OLFML2A: variants seen among roughly 807,000 people sequenced by gnomAD.
OLFML2A encodes the protein olfactomedin-like protein 2A.
A neutral mutation model predicts 60.9 loss-of-function variants in OLFML2A; 47 were observed. That is an observed-to-expected ratio of 0.77 (90% CI 0.61 to 0.98). The LOEUF (loss-of-function observed/expected upper bound fraction) is 0.98. OLFML2A is among the 50% of genes least tolerant of loss of function. The probability of loss-of-function intolerance (pLI) is 0.00; values close to 1 mark genes in which losing one functional copy is unlikely to be tolerated. For synonymous variants in OLFML2A, 372 were observed against 375.0 expected, an observed-to-expected ratio of 0.99 and a Z score of 0.09; for missense variants, 922 against 879.8, an observed-to-expected ratio of 1.05 and a Z score of -0.61.
intron 3 of OLFML2A, 144 bp from the exon 4 acceptor site, chr9:124,799,141 C>T: frequency 3.5e-6 from 2 of 579,170 alleles, no homozygotes; most frequent in Non-Finnish European, 6.2e-6. Flanking sequence ...CCTATTTTTC[C>T]TGCTCATGCT....
Position 124,795,086 on chromosome 9 carries a change from C to G in OLFML2A, c.417C>G (p.His139Gln), listed in dbSNP as rs202194837. ...TLYSMDLMKVHAYVHKVASQM... is the reference protein window; with the variant it reads ...TLYSMDLMKVQAYVHKVASQM... ...ACAGCATGGACTTGATGAAGGTGCA[C>G]GCCTACGTCCACAAGGTGGCCTCCC... is the stretch of plus-strand genomic sequence containing the variant. Residue 139 changes from histidine (H) to glutamine (Q), a missense_variant, in exon 3 of 8, where the codon CAC becomes CAG. His to Gln is a conservative substitution (Grantham distance 24). Transcript: ENST00000373580. 1.9e-6 allele frequency: 3 copies of G among 1,608,376 alleles called. No homozygotes were observed. Among genetic ancestry groups the G allele is most frequent in the Admixed American group, 3.4e-5 (2 of 59,424 alleles).
chr9:124,803,997 C>T, intron 5 of OLFML2A, 97 bp from the exon 6 acceptor site: 1 of 1,421,990 alleles, frequency 7.0e-7, no homozygotes, highest in Non-Finnish European at 9.6e-7. Context: ...CCTCCACTCC[C>T]TGAGGGCCCC....
rs1588874826 is a variant in OLFML2A at position 124,777,149 on chromosome 9, C to T, written c.-122C>T. On this transcript the variant is annotated 5_prime_UTR_variant, in exon 1 of 8. Transcript: ENST00000373580. The surrounding 1 kb of genome is among the most constrained non-coding windows in gnomAD (Gnocchi z 6.2). ...GGCGCTGGAAGACCCGCGGGGCTGG[C>T]AGCAGGGTGCAGGCGCGGGGCGCGG... The T allele has an allele frequency of 2.9e-6, 1 of 350,738 alleles. No homozygotes were observed. The highest frequency in any genetic ancestry group is 5.0e-6 in the Non-Finnish European group (1 of 201,810). The allele number at this position is 350,738 out of a possible 1,614,324, so 21.7% of individuals were successfully genotyped here. A position where few individuals can be genotyped will look rare whatever the true frequency, so the allele number is the denominator to read the frequency against.
chr9:124,792,571 A>G (rs2131257612), intron 2 of OLFML2A, among the ~76,000 whole-genome samples: 2 of 152,302 alleles, frequency 1.3e-5, no homozygotes, highest in East Asian at 3.9e-4. Context: ...GGGGCAGATC[A>G]TGGAGGGGTC....
At chr9:124,782,783 T>G (rs1841385052) in intron 1 of OLFML2A, among the ~76,000 whole-genome samples, 1 of 152,112 alleles carries the variant, frequency 6.6e-6, no homozygotes, top group Non-Finnish European at 1.5e-5. Flanking sequence ...AGGGAAGGAA[T>G]GTCACGGTCC....
At chr9:124,788,496 C>T (rs1175451721) in intron 2 of OLFML2A, among the ~76,000 whole-genome samples, 1 of 150,860 alleles carries the variant, frequency 6.6e-6, no homozygotes, top group Admixed American at 6.6e-5. Context: ...ATCCCAGCTA[C>T]TTGGGAGGCT....
chr9:124,797,847 T>C (rs1420194302), intron 3 of OLFML2A, among the ~76,000 whole-genome samples: 2 of 152,074 alleles, frequency 1.3e-5, no homozygotes, highest in Non-Finnish European at 2.9e-5. Context: ...GCGAGGGGCA[T>C]TATGGTTCTA....
chr9:124,781,758 C>T (rs1841363941), intron 1 of OLFML2A, among the ~76,000 whole-genome samples: 1 of 150,928 alleles, frequency 6.6e-6, no homozygotes, highest in African/African-American at 2.4e-5. Context: ...CGCGCCATTG[C>T]ACTCCAGCCC....
At chr9:124,787,565 T>TAA (rs1841499708) in intron 2 of OLFML2A, among the ~76,000 whole-genome samples, 1 of 149,378 alleles carries the variant, frequency 6.7e-6, no homozygotes, top group East Asian at 2.0e-4. Context: ...TTATTTTATT[T>TAA]TATTTATTTC....
chr9:124,788,734 G>T (rs187476114), intron 2 of OLFML2A, among the ~76,000 whole-genome samples: 3 of 152,316 alleles, frequency 2.0e-5, no homozygotes, highest in African/African-American at 7.2e-5. Flanking sequence ...GGTTAGACAT[G>T]TCTGGGGTAG....
intron 2 of OLFML2A, among the ~76,000 whole-genome samples, chr9:124,789,961 A>G (rs1359789741): frequency 2.0e-5 from 3 of 152,220 alleles, no homozygotes; most frequent in African/African-American, 7.2e-5. Context: ...GCTCACGTCA[A>G]CTTCTCGATA....
In OLFML2A at chr9:124,786,965, C is replaced by G. The variant is rs1841485346; in HGVS notation, c.91-10C>G. 1.2e-6 allele frequency: 2 copies of G among 1,603,540 alleles called. No individual in the cohort carries two copies. Among genetic ancestry groups the G allele is most frequent in the Non-Finnish European group, 1.7e-6 (2 of 1,172,386 alleles). ...CAACTCACTGGAGCCCCTCTTGCCC[C>G]CCGCAACAGGTGTTTGGGGACCTGG... On this transcript the variant is annotated splice_polypyrimidine_tract_variant and intron_variant, in intron 1 of 7. Coordinates refer to ENST00000373580, the MANE Select transcript of OLFML2A (RefSeq NM_182487.4).
Position 124,799,280 on chromosome 9 carries a change from C to T in OLFML2A, c.463-5C>T, listed in dbSNP as rs2281923. On this transcript the variant is annotated splice_polypyrimidine_tract_variant and splice_region_variant and intron_variant, in intron 3 of 7. Transcript: ENST00000373580. The stretch of plus-strand genomic sequence containing the variant: ...GAAAGACCTCCAATCCTGCCCCCTC[C>T]GCAGAGCATCAAGGCCAACCTGAGC... 0.7 allele frequency: 1,113,319 copies of T among 1,597,346 alleles called. 390,908 individuals are homozygous for T. Among genetic ancestry groups the T allele is most frequent in the Admixed American group, 0.78 (46,490 of 59,878 alleles).
At chr9:124,784,297 G>A (rs779004615) in intron 1 of OLFML2A, among the ~76,000 whole-genome samples, 7 of 151,522 alleles carry the variant, frequency 4.6e-5, no homozygotes, top group South Asian at 2.1e-4. Context: ...TCCGCCTCCC[G>A]GGTTCAAGCG....
chr9:124,804,703 G>A (rs111652527), intron 6 of OLFML2A, among the ~76,000 whole-genome samples: 2,722 of 151,732 alleles, frequency 0.018, 76 homozygotes, highest in African/African-American at 0.061. Flanking sequence ...CAGCCTGGGC[G>A]AAAGAAATTT....
rs374229153 is a variant in OLFML2A, at chr9:124,809,952, C to T, written c.1499C>T (p.Ala500Val). The T allele has an allele frequency of 5.1e-5, 83 of 1,614,030 alleles. No homozygotes were observed. Among genetic ancestry groups the T allele is most frequent in the East Asian group, 1.1e-4 (5 of 44,884 alleles). ...DLRQRFVASW[A>V]LLPDVVYEDT... ...CGGCAGCGCTTCGTGGCCTCCTGGG[C>T]GCTGCTGCCCGACGTGGTATATGAG... Residue 500 changes from alanine (A) to valine (V), a missense_variant, in exon 8 of 8, where the codon GCG (alanine) becomes GTG (valine). Ala to Val is a moderately conservative substitution (Grantham distance 64). Coordinates refer to ENST00000373580, the MANE Select transcript of OLFML2A (RefSeq NM_182487.4).
chr9:124,807,730 T>TG (rs946751878), intron 6 of OLFML2A, 51 bp from the exon 7 acceptor site: 5 of 1,464,592 alleles, frequency 3.4e-6, no homozygotes, highest in South Asian at 1.3e-5. Context: ...TTGCTCTGGC[T>TG]GGGGGGCTTG....
intron 2 of OLFML2A, among the ~76,000 whole-genome samples, chr9:124,790,319 G>A (rs1019989857): frequency 5.3e-5 from 8 of 152,026 alleles, no homozygotes; most frequent in Non-Finnish European, 7.4e-5. Context: ...ACAGGCGTTC[G>A]CCACCATGCC....
chr9:124,787,813 C>T (rs1841505089), intron 2 of OLFML2A, among the ~76,000 whole-genome samples: 1 of 151,808 alleles, frequency 6.6e-6, no homozygotes, highest in Non-Finnish European at 1.5e-5. Context: ...CCTGCCTCGG[C>T]CTCCCAAAGT....
Sources: gnomAD v4.1 joint callset for allele counts (sites outside exome capture counted in the v4.1 genomes callset) on GRCh38, gnomAD v4.1.1 for gene constraint, Gnocchi (gnomAD v3.1) non-coding constraint, MANE v1.5 for transcripts, NCBI Gene and HGNC (gene_info 2026-07-23, HGNC 2026-07-21) for gene names.